The following XPO1 variants were observed in gnomAD, a reference collection of about 807,000 sequenced individuals.
The protein encoded by XPO1 is exportin 1.
Under a neutral mutation model 133.3 loss-of-function variants are expected in XPO1, and 5 were observed. The observed-to-expected ratio is 0.04, with a 90% CI of 0.02 to 0.08. XPO1 has a LOEUF of 0.08. Among genes scored for constraint, XPO1 ranks in the 10% least tolerant of loss-of-function variants. The probability of loss-of-function intolerance (pLI) is 1.00; values close to 1 mark genes in which losing one functional copy is unlikely to be tolerated. For missense variants in XPO1, 506 were observed against 1,267.5 expected, an observed-to-expected ratio of 0.40 and a Z score of 9.12; for synonymous variants, 419 against 408.2, an observed-to-expected ratio of 1.03 and a Z score of -0.32.
chr2:61,495,727 A>C, intron 10 of XPO1, 114 bp from the exon 11 acceptor site: 1 of 1,107,472 alleles, frequency 9.0e-7, no homozygotes, highest in Non-Finnish European at 1.2e-6. Context: ...GCTGGAGTGC[A>C]GTGGTATGAC....
At chr2:61,494,432 AT>A in intron 11 of XPO1, 1 of 207,876 alleles carries the variant, frequency 4.8e-6, no homozygotes, top group Non-Finnish European at 9.7e-6. Context: ...AATACTGAAT[AT>A]TCATACAATG....
chr2:61,513,839 A>G (rs1306609595), intron 4 of XPO1, among the ~76,000 whole-genome samples: 1 of 152,206 alleles, frequency 6.6e-6, no homozygotes, highest in Non-Finnish European at 1.5e-5. Context: ...ACTCCTGACT[A>G]GAATACAAAG....
intron 4 of XPO1, among the ~76,000 whole-genome samples, chr2:61,515,673 C>T (rs570602152): frequency 1.3e-5 from 2 of 152,024 alleles, no homozygotes; most frequent in Non-Finnish European, 2.9e-5. Flanking sequence ...AAATATACCA[C>T]GTGTCTCACG....
chr2:61,537,898 A>G lies in XPO1; in HGVS notation c.-343T>C, dbSNP rs1432733185. 2.5e-5 allele frequency: 4 copies of G among 157,176 alleles called. No homozygotes were observed. Among genetic ancestry groups the G allele is most frequent in the Admixed American group, 6.5e-5 (1 of 15,436 alleles). The allele number at this position is 157,176 out of a possible 1,614,324, so 9.7% of individuals were successfully genotyped here. A position where few individuals can be genotyped will look rare whatever the true frequency, so the allele number is the denominator to read the frequency against. The stretch of plus-strand genomic sequence containing the variant: ...GTCCCAAAGATTCAGCCCCAGGGGG[A>G]CCCTCCAGCCACAGGCAGCAGCAGA... On this transcript the variant is annotated 5_prime_UTR_variant, in exon 1 of 25. Coordinates refer to ENST00000401558, the MANE Select transcript of XPO1 (RefSeq NM_003400.4).
intron 4 of XPO1, among the ~76,000 whole-genome samples, chr2:61,510,200 C>T (rs1698019766): frequency 6.6e-6 from 1 of 152,106 alleles, no homozygotes; most frequent in African/African-American, 2.4e-5. Context: ...TCGCTTCAAC[C>T]CGGAAGGCAG....
At chr2:61,487,404 C>T (rs1303168505) in intron 19 of XPO1, among the ~76,000 whole-genome samples, 1 of 151,972 alleles carries the variant, frequency 6.6e-6, no homozygotes, top group East Asian at 1.9e-4. Context: ...CAGAACCTTT[C>T]GATATTTAGG....
intron 4 of XPO1, among the ~76,000 whole-genome samples, chr2:61,502,860 G>T (rs1697602931): frequency 6.6e-6 from 1 of 152,052 alleles, no homozygotes; most frequent in South Asian, 2.1e-4. Flanking sequence ...TCCTGCCTGG[G>T]CCTCCCAAAG....
chr2:61,505,355 A>G (rs987923784), intron 4 of XPO1, among the ~76,000 whole-genome samples: 2 of 151,484 alleles, frequency 1.3e-5, no homozygotes, highest in African/African-American at 2.4e-5. Context: ...ACACTAAATT[A>G]TAAGAATTAA....
intron 23 of XPO1, among the ~76,000 whole-genome samples, chr2:61,481,885 A>T (rs1696377759): frequency 2.0e-5 from 3 of 151,672 alleles, no homozygotes; most frequent in Non-Finnish European, 4.4e-5. Context: ...TCAGGCACCC[A>T]CCACCATGCC....
intron 3 of XPO1, among the ~76,000 whole-genome samples, chr2:61,523,223 T>C (rs886721540): frequency 6.6e-6 from 1 of 152,238 alleles, no homozygotes; most frequent in Non-Finnish European, 1.5e-5. Flanking sequence ...CCCATGGGTT[T>C]ATTTTATATT....
intron 4 of XPO1, among the ~76,000 whole-genome samples, chr2:61,507,417 T>A (rs76511385): frequency 2.0e-5 from 3 of 151,360 alleles, no homozygotes; most frequent in Non-Finnish European, 2.9e-5. Flanking sequence ...CCACAAAAAA[T>A]AAAAAAATTA....
chr2:61,497,373 G>A (rs557128369), intron 9 of XPO1, among the ~76,000 whole-genome samples: 3 of 152,116 alleles, frequency 2.0e-5, no homozygotes, highest in African/African-American at 4.8e-5. Flanking sequence ...CACCACGCCC[G>A]GCTAATTTTT....
At chr2:61,484,386 C>G in intron 20 of XPO1, 1 of 307,998 alleles carries the variant, frequency 3.2e-6, no homozygotes, top group East Asian at 6.7e-5. Context: ...CTACTACTAT[C>G]ACTTTTGTTT....
rs892159371 is a variant in XPO1, at chr2:61,502,399, G to T, written c.302-89C>A. Reference sequence around the variant, plus strand: ...TTGAGAACTAATTAATGTGGGAATGGAAAGACTAAGTAAAATCAGTTAATA... The same window carrying T: ...TTGAGAACTAATTAATGTGGGAATGTAAAGACTAAGTAAAATCAGTTAATA... On this transcript the variant is annotated intron_variant, in intron 4 of 24. Transcript: ENST00000401558. The T allele has an allele frequency of 6.5e-6, 8 of 1,238,956 alleles. No individual in the cohort carries two copies. In the Admixed American group the frequency reaches 1.2e-4, roughly 19 times the overall value. 76.7% of individuals were successfully genotyped at this position (1,238,956 alleles called of 1,614,324 possible).
intron 4 of XPO1, among the ~76,000 whole-genome samples, chr2:61,508,871 A>G (rs1697951472): frequency 6.6e-6 from 1 of 152,204 alleles, no homozygotes; most frequent in Admixed American, 6.5e-5. Context: ...AGAAAGATGC[A>G]GTCCTAGAAA....
rs1272393935 is a variant in XPO1 at position 61,482,604 on chromosome 2, TTTG to T, written c.2813-68_2813-66del. The stretch of plus-strand genomic sequence containing the variant: ...ATAACTATAGATCTTAGCGTTTTTT[TTTG>T]TTTTGTTTTTTTTTTTTAGACGGAG... On this transcript the variant is annotated intron_variant, in intron 22 of 24. Coordinates refer to ENST00000401558, the MANE Select transcript of XPO1 (RefSeq NM_003400.4). The T allele has an allele frequency of 2.9e-5, 38 of 1,322,786 alleles. No homozygotes were observed. The African/African-American group carries it at 3.3e-4, about 11-fold the overall frequency. 81.9% of individuals were successfully genotyped at this position (1,322,786 alleles called of 1,614,324 possible).
At chr2:61,486,947 T>C (rs1278404732) in intron 19 of XPO1, among the ~76,000 whole-genome samples, 1 of 152,098 alleles carries the variant, frequency 6.6e-6, no homozygotes, top group Non-Finnish European at 1.5e-5. Flanking sequence ...TTCATGATTC[T>C]AAGTAAACTG....
At chr2:61,527,931 CTTT>C (rs879696205) in intron 2 of XPO1, among the ~76,000 whole-genome samples, 1 of 144,316 alleles carries the variant, frequency 6.9e-6, no homozygotes, top group East Asian at 2.0e-4. Context: ...TTTTTTCTCT[CTTT>C]TTTTTTTTTA....
chr2:61,502,150 A>ATATGTGTGAC, intron 5 of XPO1, 99 bp downstream of exon 5: 2 of 1,516,852 alleles, frequency 1.3e-6, no homozygotes, highest in Non-Finnish European at 1.8e-6. Flanking sequence ...CTGACTGTGC[A>ATATGTGTGAC]TATGTGTGAC....
Sources: gnomAD v4.1 joint callset for allele counts (sites outside exome capture counted in the v4.1 genomes callset) on GRCh38, gnomAD v4.1.1 for gene constraint, MANE v1.5 for transcripts, NCBI Gene and HGNC (gene_info 2026-07-23, HGNC 2026-07-21) for gene names.